Variants in DPP10 observed in about 807,000 individuals in gnomAD.
The protein encoded by DPP10 is dipeptidyl peptidase like 10.
DPP10 carries 33 observed loss-of-function variants against 120.9 expected under a neutral mutation model. That is an observed-to-expected ratio of 0.27 (90% CI 0.21 to 0.37). DPP10 has a LOEUF of 0.37. Among genes scored for constraint, DPP10 ranks in the 10% least tolerant of loss-of-function variants. The pLI, the probability that DPP10 is intolerant of heterozygous loss-of-function variation, is 1.00. For missense variants in DPP10, 816 were observed against 942.8 expected (o/e 0.87, Z 1.76); for synonymous variants, 337 against 326.1 (o/e 1.03, Z -0.36).
chr2:115,637,979 G>T (rs1405439388), intron 5 of DPP10, among the ~76,000 whole-genome samples: 2 of 152,210 alleles, frequency 1.3e-5, no homozygotes, highest in Non-Finnish European at 2.9e-5. Flanking sequence ...AGAAGAGCCA[G>T]AGATCTGATT....
At position 115,831,310 on chromosome 2, in the gene DPP10, G is replaced by A. The variant is rs1248513004; in HGVS notation, c.1951-4847G>A. Among the ~76,000 whole-genome samples, 6 of 151,888 alleles carry A rather than the reference G, an allele frequency of 4.0e-5. No homozygotes were observed. The East Asian group carries it at 5.8e-4, about 15-fold the overall frequency. On this transcript the variant is annotated intron_variant, in intron 21 of 25. Coordinates refer to ENST00000410059, the MANE Select transcript of DPP10 (RefSeq NM_020868.6). ...GTCGCCCAGGCTGGAGTGCAGTGGC[G>A]CGATTTCAGCTCACTGCAACCTCTG...
Position 115,333,929 on chromosome 2 carries a change from G to A in DPP10, c.176-9888G>A, listed in dbSNP as rs1574463260. On this transcript the variant is annotated intron_variant, in intron 2 of 25. Coordinates refer to ENST00000410059, the MANE Select transcript of DPP10 (RefSeq NM_020868.6). ...AGAGTTGCTCTTCTCAAGGTGAGAA[G>A]AGAAGTTTAGGGAAAAAAAGAGTAA... is the stretch of plus-strand genomic sequence containing the variant. Among the ~76,000 whole-genome samples the A allele has an allele frequency of 2.6e-5, 4 of 151,302 alleles. No homozygotes were observed. The South Asian group carries it at 8.3e-4, about 32-fold the overall frequency.
At chr2:115,362,569 T>C (rs1346851231) in intron 3 of DPP10, among the ~76,000 whole-genome samples, 1 of 152,318 alleles carries the variant, frequency 6.6e-6, no homozygotes, top group East Asian at 1.9e-4. Context: ...TCCCCATTTC[T>C]GCTAATGTTT....
intron 1 of DPP10, among the ~76,000 whole-genome samples, chr2:115,206,328 C>T (rs1052764408): frequency 6.6e-6 from 1 of 152,114 alleles, no homozygotes; most frequent in Non-Finnish European, 1.5e-5. Flanking sequence ...CATAAATTAG[C>T]ATTTTCTAGT....
chr2:115,523,396 C>CAAAAAAAA (rs67633094), intron 4 of DPP10, among the ~76,000 whole-genome samples: 1 of 69,168 alleles, frequency 1.4e-5, no homozygotes, highest in Non-Finnish European at 2.5e-5. Context: ...GAGAAGCTCT[C>CAAAAAAAA]AAAAAAAAAA....
At chr2:115,726,161 A>C (rs985665936) in intron 7 of DPP10, among the ~76,000 whole-genome samples, 1 of 152,098 alleles carries the variant, frequency 6.6e-6, no homozygotes, top group Non-Finnish European at 1.5e-5. Context: ...TATTAATACT[A>C]CCACTATTGC....
At chr2:115,693,809 T>G (rs938992616) in intron 7 of DPP10, among the ~76,000 whole-genome samples, 2 of 152,196 alleles carry the variant, frequency 1.3e-5, no homozygotes, top group African/African-American at 4.8e-5. Context: ...TATTTAATCT[T>G]GATATGGCTT....
rs3036385 is a variant in DPP10, at chr2:114,812,583, G to GACACAC, written c.60+369775_60+369780dup. On this transcript the variant is annotated intron_variant, in intron 1 of 25. Transcript: ENST00000410059. The stretch of plus-strand genomic sequence containing the variant: ...AGCCTGGGCAACAGGGTGAGACATT[G>GACACAC]ACACACACACACACACACACACACA... 5.6e-3 allele frequency among the ~76,000 whole-genome samples: 753 copies of GACACAC among 134,514 alleles called. 11 individuals are homozygous for GACACAC. The highest frequency in any genetic ancestry group is 0.017 in the African/African-American group (603 of 35,164). The allele number at this position is 134,514 out of a possible 152,430, so 88.2% of individuals were successfully genotyped here.
intron 5 of DPP10, among the ~76,000 whole-genome samples, chr2:115,636,683 AAGTG>A (rs1489837281): frequency 6.6e-6 from 1 of 152,178 alleles, no homozygotes; most frequent in African/African-American, 2.4e-5. Context: ...TAGTGATTCT[AAGTG>A]AGGATTATGC....
At chr2:115,502,827 A>G (rs1275400283) in intron 4 of DPP10, among the ~76,000 whole-genome samples, 1 of 151,874 alleles carries the variant, frequency 6.6e-6, no homozygotes, top group Non-Finnish European at 1.5e-5. Context: ...CTGAGTAGCT[A>G]GGACCACAGG....
At chr2:114,810,536 C>T (rs1685091831) in intron 1 of DPP10, among the ~76,000 whole-genome samples, 1 of 152,188 alleles carries the variant, frequency 6.6e-6, no homozygotes. Context: ...TTTAATGCCA[C>T]TTGGTTAAGT....
chr2:115,632,002 A>T (rs1032687599), intron 5 of DPP10, among the ~76,000 whole-genome samples: 1 of 152,124 alleles, frequency 6.6e-6, no homozygotes, highest in Admixed American at 6.5e-5. Context: ...TCTTATATTG[A>T]CAGTGGGGTG....
At chr2:115,106,245 A>G (rs2048939314) in intron 1 of DPP10, among the ~76,000 whole-genome samples, 1 of 152,232 alleles carries the variant, frequency 6.6e-6, no homozygotes. Context: ...TTCCACAGAC[A>G]GTATCTTGTA....
chr2:114,935,124 A>G (rs1438966597), intron 1 of DPP10, among the ~76,000 whole-genome samples: 2 of 152,158 alleles, frequency 1.3e-5, no homozygotes, highest in African/African-American at 4.8e-5. Context: ...TTCCCCTGTC[A>G]GGACAACCCC....
intron 1 of DPP10, among the ~76,000 whole-genome samples, chr2:114,759,263 A>T (rs1346888458): frequency 3.9e-5 from 6 of 152,212 alleles, no homozygotes; most frequent in African/African-American, 1.4e-4. Flanking sequence ...GGTTGTAGTT[A>T]AACCATTTGC....
intron 1 of DPP10, among the ~76,000 whole-genome samples, chr2:114,830,489 G>T (rs7597658): frequency 0.62 from 94,390 of 151,976 alleles, 29,699 homozygotes; most frequent in East Asian, 0.87. Context: ...TTGTAAAAAC[G>T]TGTACTCTCT....
chr2:115,751,714 G>A (rs1483831882), intron 10 of DPP10, among the ~76,000 whole-genome samples: 2 of 151,826 alleles, frequency 1.3e-5, no homozygotes, highest in Admixed American at 1.3e-4. Context: ...CTAAAGACAG[G>A]CAATTTGTAT....
In DPP10 at chr2:115,182,906, G is replaced by A. The variant is rs2054171834; in HGVS notation, c.61-126333G>A. On this transcript the variant is annotated intron_variant, in intron 1 of 25. Coordinates refer to ENST00000410059, the MANE Select transcript of DPP10 (RefSeq NM_020868.6). ...GAATGTAGGAACCAGGATGTCCTGA[G>A]TGGTAAACTTAGCTCCACTACCTGA... Among the ~76,000 whole-genome samples the A allele has an allele frequency of 2.0e-5, 3 of 152,262 alleles. No homozygotes were observed. In the South Asian group the frequency reaches 6.2e-4, roughly 32 times the overall value.
chr2:115,614,137 A>G (rs527590364), intron 5 of DPP10, among the ~76,000 whole-genome samples: 3 of 152,326 alleles, frequency 2.0e-5, no homozygotes, highest in Admixed American at 6.5e-5. Flanking sequence ...AGATAACCAA[A>G]GTGTCTACCA....
Sources: gnomAD v4.1 joint callset for allele counts (sites outside exome capture counted in the v4.1 genomes callset) on GRCh38, gnomAD v4.1.1 for gene constraint, MANE v1.5 for transcripts, NCBI Gene and HGNC (gene_info 2026-07-23, HGNC 2026-07-21) for gene names.